ZNF711: variants seen among roughly 807,000 people sequenced by gnomAD.
The protein encoded by ZNF711 is ZFX family zinc finger ZNF711.
ZNF711 carries 3 observed loss-of-function variants against 43.5 expected under a neutral mutation model. The ratio of observed to expected loss-of-function variants is 0.07; its 90% CI spans 0.03 to 0.18. The LOEUF (loss-of-function observed/expected upper bound fraction) is 0.18, where lower values mean the gene tolerates loss of function less well. Ranked by LOEUF, ZNF711 falls within the 10% of genes least tolerant of loss-of-function variation. ZNF711 has a pLI of 1.00. For synonymous variants in ZNF711, 209 were observed against 207.7 expected (o/e 1.01, Z -0.06); for missense variants, 412 against 604.0 (o/e 0.68, Z 3.33).
At chrX:85,262,056 G>T (rs965754325) in intron 5 of ZNF711, among the ~76,000 whole-genome samples, 1 of 110,705 alleles carries the variant, frequency 9.0e-6, no homozygotes, top group Non-Finnish European at 1.9e-5. Context: ...ATCATTTTCT[G>T]TGAACTTAAA....
intron 5 of ZNF711, among the ~76,000 whole-genome samples, chrX:85,260,482 C>T (rs951632607): frequency 1.8e-5 from 2 of 110,461 alleles, no homozygotes; most frequent in African/African-American, 6.6e-5. Context: ...CTTTTATTTA[C>T]CCATCTGAAG....
intron 10 of ZNF711, 135 bp from the exon 11 acceptor site, chrX:85,270,516 T>C: frequency 1.7e-6 from 1 of 598,499 alleles, no homozygotes; most frequent in South Asian, 2.8e-5. Context: ...TTATTATGTA[T>C]TTTTTATATT....
chrX:85,268,808 T>G (rs1931315013), intron 9 of ZNF711, among the ~76,000 whole-genome samples: 1 of 111,153 alleles, frequency 9.0e-6, no homozygotes, highest in Non-Finnish European at 1.9e-5. Flanking sequence ...CTATATGGTG[T>G]TGTTCTCTAG....
At chrX:85,257,689 A>G (rs778613595) in intron 5 of ZNF711, among the ~76,000 whole-genome samples, 2 of 112,638 alleles carry the variant, frequency 1.8e-5, no homozygotes, top group East Asian at 5.6e-4. Context: ...GTATACCCAG[A>G]GTGGGACTGC....
chrX:85,268,188 G>A, intron 8 of ZNF711, 106 bp from the exon 9 acceptor site: 1 of 988,812 alleles, frequency 1.0e-6, no homozygotes, highest in Non-Finnish European at 1.4e-6. Flanking sequence ...CCCAAGGAAT[G>A]GTGGGCAAAG....
Position 85,255,513 on chromosome X carries a change from A to T in ZNF711, c.334A>T (p.Ile112Phe). 7 of 1,212,014 alleles carry T rather than the reference A, an allele frequency of 5.8e-6. No individual in the cohort carries two copies. The highest frequency in any genetic ancestry group is 1.8e-5 in the South Asian group (1 of 56,990). Residue 112 changes from isoleucine to phenylalanine, a missense_variant, in exon 5 of 11, where the codon ATC (isoleucine) becomes TTC (phenylalanine). Transcript: ENST00000674551. ...TTTAGAGGAAGATGATGGTGATCAC[A>T]TCTTGACTTCTGAACTAATTACAGA... ...EDLEEDDGDH[I>F]LTSELITETV...
At chrX:85,255,837 A>T (rs780357609) in intron 5 of ZNF711, 36 bp downstream of exon 5, 1 of 1,180,925 alleles carries the variant, frequency 8.5e-7, no homozygotes, top group East Asian at 3.0e-5. Context: ...TACTCAGGAG[A>T]TTGATTTATA....
chrX:85,263,558 C>G (rs1930851756), intron 5 of ZNF711, among the ~76,000 whole-genome samples: 1 of 108,566 alleles, frequency 9.2e-6, no homozygotes, highest in South Asian at 3.9e-4. Flanking sequence ...CTTAGGTGTT[C>G]TCTGTGTTTC....
intron 9 of ZNF711, among the ~76,000 whole-genome samples, 155 bp from the exon 10 acceptor site, chrX:85,269,844 AGAGT>A (rs1161230457): frequency 8.9e-6 from 1 of 112,024 alleles, no homozygotes; most frequent in Non-Finnish European, 1.9e-5. Flanking sequence ...AGAGAGAACA[AGAGT>A]GAGAGAGAGA....
intron 5 of ZNF711, among the ~76,000 whole-genome samples, chrX:85,260,439 A>G (rs749529298): frequency 9.0e-6 from 1 of 111,368 alleles, no homozygotes; most frequent in Admixed American, 9.6e-5. Context: ...TTTAAAAACT[A>G]TAATGACTTT....
chrX:85,248,524 G>T (rs1929257477), intron 4 of ZNF711, among the ~76,000 whole-genome samples: 1 of 101,428 alleles, frequency 9.9e-6, no homozygotes. Flanking sequence ...GGCCAGGTTT[G>T]TAAGTAGCCT....
chrX:85,260,664 T>A (rs1052312074), intron 5 of ZNF711, among the ~76,000 whole-genome samples: 3 of 109,660 alleles, frequency 2.7e-5, no homozygotes, highest in African/African-American at 1.0e-4. Context: ...ATCCTGGATA[T>A]TTCATATAAA....
intron 4 of ZNF711, among the ~76,000 whole-genome samples, chrX:85,248,276 T>C (rs1224599385): frequency 9.2e-6 from 1 of 108,227 alleles, no homozygotes; most frequent in Non-Finnish European, 1.9e-5. Context: ...GAAATCATTC[T>C]GGCCAGCATG....
At position 85,270,426 on chromosome X, in the gene ZNF711, A is replaced by G. The variant is rs190769300; in HGVS notation, c.1247-225A>G. ...TTTTGGTATTCAAAGTATATATGAT[A>G]TTGCATTTTGGCATGTGAGTGGTTC... On this transcript the variant is annotated intron_variant, in intron 10 of 10. Transcript: ENST00000674551. 2.7e-5 allele frequency among the ~76,000 whole-genome samples: 3 copies of G among 110,844 alleles called. No individual in the cohort carries two copies. In the Admixed American group the frequency reaches 2.9e-4, roughly 11 times the overall value.
chrX:85,264,834 A>T (rs988532180), intron 6 of ZNF711, among the ~76,000 whole-genome samples: 1 of 110,739 alleles, frequency 9.0e-6, no homozygotes, highest in Admixed American at 9.7e-5. Context: ...TCTCATAATA[A>T]TAAAAGCTAC....
At chrX:85,250,741 T>C (rs980145224) in intron 4 of ZNF711, among the ~76,000 whole-genome samples, 2 of 111,797 alleles carry the variant, frequency 1.8e-5, no homozygotes, top group Admixed American at 1.9e-4. Context: ...TGCTCACTCA[T>C]TTGTGCCTAG....
intron 5 of ZNF711, among the ~76,000 whole-genome samples, chrX:85,261,609 A>T (rs1930656885): frequency 9.0e-6 from 1 of 111,474 alleles, no homozygotes; most frequent in Admixed American, 9.6e-5. Flanking sequence ...CCTAACTTTT[A>T]AAAAGGAATG....
chrX:85,270,327 G>T (rs1931476855), intron 10 of ZNF711, among the ~76,000 whole-genome samples, 181 bp downstream of exon 10: 1 of 103,907 alleles, frequency 9.6e-6, no homozygotes, highest in Non-Finnish European at 2.0e-5. Context: ...ATAAAACTAT[G>T]CTTGTTTGCT....
chrX:85,268,488 C>T, intron 9 of ZNF711, 147 bp downstream of exon 9: 1 of 626,030 alleles, frequency 1.6e-6, no homozygotes, highest in East Asian at 3.6e-5. Context: ...TTAGGAGTTT[C>T]TTCTTTGAGG....
Sources: gnomAD v4.1 joint callset for allele counts (sites outside exome capture counted in the v4.1 genomes callset) on GRCh38, gnomAD v4.1.1 for gene constraint, MANE v1.5 for transcripts, NCBI Gene and HGNC (gene_info 2026-07-23, HGNC 2026-07-21) for gene names.